PCDHA11: variants seen among roughly 807,000 people sequenced by gnomAD.
The protein encoded by PCDHA11 is protocadherin alpha-11.
In PCDHA11, 61 loss-of-function variants were observed where a neutral mutation model predicts 70.3. That is an observed-to-expected ratio of 0.87 (90% CI 0.71 to 1.07). PCDHA11 has a LOEUF of 1.07. PCDHA11 is among the 50% of genes least tolerant of loss of function. The probability of loss-of-function intolerance (pLI) is 0.00; values close to 1 mark genes in which losing one functional copy is unlikely to be tolerated. For missense variants in PCDHA11, 1,324 were observed against 1,237.5 expected (o/e 1.07, Z -1.05); for synonymous variants, 633 against 555.1 (o/e 1.14, Z -1.97).
At chr5:140,877,067 A>C in intron 1 of PCDHA11, 4 of 1,613,082 alleles carry the variant, frequency 2.5e-6, no homozygotes, top group Non-Finnish European at 3.4e-6. Context: ...GAGCTGCTGC[A>C]GTTCCAGGTG....
At chr5:140,970,948 C>T (rs1339410112) in intron 1 of PCDHA11, among the ~76,000 whole-genome samples, 1 of 152,114 alleles carries the variant, frequency 6.6e-6, no homozygotes, top group Non-Finnish European at 1.5e-5. Context: ...TGCTGAGAAA[C>T]CATGGGAGGC....
rs782194525 is a variant in PCDHA11 at position 140,927,807 on chromosome 5, C to T, written c.2392-51142C>T. The T allele has an allele frequency of 8.7e-6, 14 of 1,614,088 alleles. No homozygotes were observed. In the African/African-American group the frequency reaches 1.3e-4, roughly 15 times the overall value. Reference sequence around the variant, plus strand: ...CTTCACTAGGTCCGCCTGAAACGCTCTTGGAGGCATACATTGAGGCGAGGG... The same window carrying T: ...CTTCACTAGGTCCGCCTGAAACGCTTTTGGAGGCATACATTGAGGCGAGGG... On this transcript the variant is annotated intron_variant, in intron 1 of 3. Coordinates refer to ENST00000398640, the MANE Select transcript of PCDHA11 (RefSeq NM_018902.5).
At chr5:140,926,979 G>A (rs782354889) in intron 1 of PCDHA11, 1 of 1,610,590 alleles carries the variant, frequency 6.2e-7, no homozygotes. Flanking sequence ...TGCCGGAGGA[G>A]ACGGAGCGGG....
intron 1 of PCDHA11, among the ~76,000 whole-genome samples, chr5:140,888,871 T>C (rs2062016827): frequency 6.6e-6 from 1 of 152,084 alleles, no homozygotes; most frequent in African/African-American, 2.4e-5. Flanking sequence ...TGTCTCAACA[T>C]AAAAATTAAA....
chr5:140,967,498 T>G, intron 1 of PCDHA11: 2 of 1,613,108 alleles, frequency 1.2e-6, no homozygotes, highest in Non-Finnish European at 1.7e-6. Flanking sequence ...CACAGATCTC[T>G]GTGCGTGTCC....
Position 140,997,511 on chromosome 5 carries a change from G to A in PCDHA11, c.2540-12116G>A, listed in dbSNP as rs565737825. Among the ~76,000 whole-genome samples, 79 of 152,108 alleles carry A rather than the reference G, an allele frequency of 5.2e-4. No individual in the cohort carries two copies. In the South Asian group the frequency reaches 1.0e-2, roughly 19 times the overall value. ...TTTGTGTATCTCAACATACCTAAACGCAGAAAAAGTACAATAAAAATACAT... is the reference window on the plus strand; with the variant it reads ...TTTGTGTATCTCAACATACCTAAACACAGAAAAAGTACAATAAAAATACAT... On this transcript the variant is annotated intron_variant, in intron 3 of 3. Transcript: ENST00000398640.
chr5:140,968,782 C>T (rs1256152245), intron 1 of PCDHA11: 43 of 1,614,072 alleles, frequency 2.7e-5, no homozygotes, highest in African/African-American at 8.0e-5. Flanking sequence ...CACTATCAGC[C>T]TCTGTGGCCA....
chr5:140,870,417 C>T lies in PCDHA11; in HGVS notation c.1314C>T (p.Ala438=), dbSNP rs2051990915. 1 of 1,614,092 alleles carries T rather than the reference C, an allele frequency of 6.2e-7. No individual in the cohort carries two copies. Among genetic ancestry groups the T allele is most frequent in the Admixed American group, 1.7e-5 (1 of 60,008 alleles). The change falls in exon 1 of 4, where the codon GCC becomes GCT. Residue 438 remains alanine, a synonymous_variant. Transcript: ENST00000398640. ...DGGSPSLWAT[A]RVSVEVADVN... Reference sequence around the variant, plus strand: ...GTTCGCCTTCTCTGTGGGCCACGGCCAGGGTATCCGTGGAGGTGGCCGACG... The same window carrying T: ...GTTCGCCTTCTCTGTGGGCCACGGCTAGGGTATCCGTGGAGGTGGCCGACG...
intron 1 of PCDHA11, chr5:140,928,319 AG>A: frequency 6.2e-7 from 1 of 1,614,200 alleles, no homozygotes. Flanking sequence ...GACCTGGGGA[AG>A]AATGGCCTTG....
Position 140,899,097 on chromosome 5 carries a change from T to C in PCDHA11, c.2391+27603T>C, listed in dbSNP as rs1160754058. Among the ~76,000 whole-genome samples the C allele has an allele frequency of 9.8e-3, 1,481 of 151,828 alleles. 12 individuals carry two copies. The highest frequency in any genetic ancestry group is 0.026 in the African/African-American group (1,065 of 41,212). ...AGCTTAAGGAGATTTTGGGCTGAGATAATGGGGTTTTCTAGATATACAATC... is the reference window on the plus strand; with the variant it reads ...AGCTTAAGGAGATTTTGGGCTGAGACAATGGGGTTTTCTAGATATACAATC... On this transcript the variant is annotated intron_variant, in intron 1 of 3. Transcript: ENST00000398640.
rs1554164969 is a variant in PCDHA11, at chr5:140,871,007, C to T, written c.1904C>T (p.Ala635Val). The T allele has an allele frequency of 6.2e-7, 1 of 1,613,314 alleles. No individual in the cohort carries two copies. Among genetic ancestry groups the T allele is most frequent in the South Asian group, 1.1e-5 (1 of 91,062 alleles). ...ACGGGCGAGATAAGCACAACGCGTG[C>T]CCTGGACGAGGCAGACTCGCCGCGC... ...LYTGEISTTR[A>V]LDEADSPRHR... The change falls in exon 1 of 4, where the codon GCC (alanine) becomes GTC (valine). Residue 635 changes from alanine (A) to valine (V), a missense_variant. By Grantham distance (64) the Ala-to-Val change is moderately conservative. Transcript: ENST00000398640.
intron 3 of PCDHA11, among the ~76,000 whole-genome samples, chr5:140,992,975 T>G (rs2097535680): frequency 6.6e-6 from 1 of 152,178 alleles, no homozygotes; most frequent in Admixed American, 6.6e-5. Context: ...TGACAATGAT[T>G]AGGCCATGGG....
At chr5:140,880,958 G>T (rs1208694420) in intron 1 of PCDHA11, among the ~76,000 whole-genome samples, 1 of 152,010 alleles carries the variant, frequency 6.6e-6, no homozygotes, top group African/African-American at 2.4e-5. Flanking sequence ...GGATGATGAG[G>T]GTAAGAGAAT....
chr5:140,869,955 T>G lies in PCDHA11; in HGVS notation c.852T>G (p.Ile284Met). ...NGEVTYSLMS[I>M]KPNGRHLFTL... is the part of the protein sequence containing the mutation. The stretch of plus-strand genomic sequence containing the variant: ...AGGTAACATACTCCTTAATGTCAAT[T>G]AAGCCCAATGGAAGACACTTATTTA... Residue 284 changes from isoleucine to methionine, a missense_variant, in exon 1 of 4, where the codon ATT becomes ATG. Physicochemically the swap from Ile to Met is conservative, Grantham distance 10. Coordinates refer to ENST00000398640, the MANE Select transcript of PCDHA11 (RefSeq NM_018902.5). 4 of 1,612,860 alleles carry G rather than the reference T, an allele frequency of 2.5e-6. No homozygotes were observed. Among genetic ancestry groups the G allele is most frequent in the Non-Finnish European group, 3.4e-6 (4 of 1,179,406 alleles).
At chr5:140,925,508 A>C (rs1244251216) in intron 1 of PCDHA11, among the ~76,000 whole-genome samples, 1 of 152,138 alleles carries the variant, frequency 6.6e-6, no homozygotes, top group African/African-American at 2.4e-5. Flanking sequence ...ATATCCACGC[A>C]AAAGACCAAA....
At chr5:141,000,385 CTCTCTCTCTCTATA>C (rs1173975015) in intron 3 of PCDHA11, among the ~76,000 whole-genome samples, 30 of 64,968 alleles carry the variant, frequency 4.6e-4, no homozygotes, top group African/African-American at 1.8e-3. Context: ...CTCTCTCTCT[CTCTCTCTCTCTATA>C]TATATATATA....
At chr5:140,877,729 C>G (rs1554170045) in intron 1 of PCDHA11, 2 of 1,614,168 alleles carry the variant, frequency 1.2e-6, no homozygotes, top group South Asian at 2.2e-5. Context: ...TTACTCGCAG[C>G]AGAGGAGGCA....
At chr5:140,928,790 GGGT>G in intron 1 of PCDHA11, 1 of 1,614,176 alleles carries the variant, frequency 6.2e-7, no homozygotes. Flanking sequence ...GTTAAGCAGA[GGGT>G]GGTGGTAGTG....
At chr5:140,914,481 G>A (rs549926889) in intron 1 of PCDHA11, among the ~76,000 whole-genome samples, 3 of 152,120 alleles carry the variant, frequency 2.0e-5, no homozygotes, top group Non-Finnish European at 4.4e-5. Context: ...TAGGTGAAGT[G>A]TTTCTTGTGG....
Sources: gnomAD v4.1 joint callset for allele counts (sites outside exome capture counted in the v4.1 genomes callset) on GRCh38, gnomAD v4.1.1 for gene constraint, MANE v1.5 for transcripts, NCBI Gene and HGNC (gene_info 2026-07-23, HGNC 2026-07-21) for gene names.